Variants in PTPN11 observed in about 807,000 individuals in gnomAD.
The protein encoded by PTPN11 is tyrosine-protein phosphatase non-receptor type 11.
A neutral mutation model predicts 78.8 loss-of-function variants in PTPN11; 6 were observed. The observed-to-expected ratio is 0.08, with a 90% CI of 0.04 to 0.15. PTPN11 has a LOEUF of 0.15. Ranked by LOEUF, PTPN11 falls within the 10% of genes least tolerant of loss-of-function variation. The pLI is 1.00. For missense variants in PTPN11, 386 were observed against 744.8 expected (o/e 0.52, Z 5.61); for synonymous variants, 221 against 263.5 (o/e 0.84, Z 1.56).
chr12:112,452,748 T>TG (rs1339198171), intron 3 of PTPN11, among the ~76,000 whole-genome samples: 2 of 151,924 alleles, frequency 1.3e-5, no homozygotes, highest in African/African-American at 4.8e-5. Flanking sequence ...AGACTGGTCT[T>TG]GAACTCCTGG....
chr12:112,439,793 A>C (rs1248414205), intron 1 of PTPN11, among the ~76,000 whole-genome samples: 4 of 150,618 alleles, frequency 2.7e-5, no homozygotes, highest in South Asian at 2.1e-4. Context: ...TTAAAAAAAA[A>C]AACAAAAACA....
intron 13 of PTPN11, among the ~76,000 whole-genome samples, chr12:112,500,950 G>C (rs1315076943): frequency 6.7e-6 from 1 of 149,768 alleles, no homozygotes; most frequent in Admixed American, 6.6e-5. Context: ...TGTTGCCCAG[G>C]CCAGAGTGCA....
At position 112,448,464 on chromosome 12, in the gene PTPN11, G is replaced by A. The variant is rs180902705; in HGVS notation, c.138-1854G>A. On this transcript the variant is annotated intron_variant, in intron 2 of 15. Coordinates refer to ENST00000351677, the MANE Select transcript of PTPN11 (RefSeq NM_002834.5). Reference sequence around the variant, plus strand: ...ACTCTTGGCCTCAAGGGATCTGCCTGTCTCAGCCTCCCAAAGTGCTGGGAT... The same window carrying A: ...ACTCTTGGCCTCAAGGGATCTGCCTATCTCAGCCTCCCAAAGTGCTGGGAT... Among the ~76,000 whole-genome samples, 120 of 152,160 alleles carry A rather than the reference G, an allele frequency of 7.9e-4. 1 individual carries two copies. Among genetic ancestry groups the A allele is most frequent in the African/African-American group, 2.5e-3 (105 of 41,548 alleles).
intron 1 of PTPN11, among the ~76,000 whole-genome samples, chr12:112,422,534 C>T (rs1444003805): frequency 6.6e-6 from 1 of 152,160 alleles, no homozygotes; most frequent in East Asian, 1.9e-4. Context: ...CTGAGAGGGG[C>T]AGAAAATTGA....
chr12:112,446,686 C>A (rs2037999032), intron 2 of PTPN11, among the ~76,000 whole-genome samples: 1 of 151,834 alleles, frequency 6.6e-6, no homozygotes, highest in Non-Finnish European at 1.5e-5. Context: ...AACCTGGTTT[C>A]TGCATTTTTC....
chr12:112,442,439 C>T (rs2037908297), intron 1 of PTPN11, among the ~76,000 whole-genome samples: 1 of 151,620 alleles, frequency 6.6e-6, no homozygotes. Context: ...TATGTGGGCA[C>T]TTTTTAAATT....
intron 7 of PTPN11, 151 bp from the exon 8 acceptor site, chr12:112,477,500 T>G: frequency 1.5e-6 from 1 of 660,476 alleles, no homozygotes; most frequent in Non-Finnish European, 2.7e-6. Flanking sequence ...TTCACGTTAC[T>G]GTTTTGCTTA....
In PTPN11 at chr12:112,477,928, A is replaced by G; in HGVS notation, c.1005A>G (p.Gln335=). 1.2e-6 allele frequency: 2 copies of G among 1,614,224 alleles called. No homozygotes were observed. Among genetic ancestry groups the G allele is most frequent in the Non-Finnish European group, 1.7e-6 (2 of 1,180,038 alleles). ...KSYIATQGCL[Q]NTVNDFWRMV... is the part of the protein sequence containing the mutation. ...ACATTGCCACACAAGGCTGCCTGCA[A>G]AACACGGTGAATGACTTTTGGCGGA... Residue 335 remains glutamine (Q), a synonymous_variant, in exon 9 of 16, where the codon CAA becomes CAG. Transcript: ENST00000351677.
At chr12:112,454,855 T>G (rs923303189) in intron 5 of PTPN11, 175 bp downstream of exon 5, 1 of 655,978 alleles carries the variant, frequency 1.5e-6, no homozygotes, top group Non-Finnish European at 2.8e-6. Flanking sequence ...AGTCTTACTC[T>G]GTCACCCAGT....
chr12:112,489,787 A>G (rs1329372777), intron 13 of PTPN11, among the ~76,000 whole-genome samples: 1 of 151,974 alleles, frequency 6.6e-6, no homozygotes, highest in Admixed American at 6.6e-5. Context: ...CAACCCCTCA[A>G]CCCCATTGCC....
At chr12:112,448,218 CTT>C (rs1195467615) in intron 2 of PTPN11, among the ~76,000 whole-genome samples, 4 of 141,684 alleles carry the variant, frequency 2.8e-5, no homozygotes, top group East Asian at 2.1e-4. Flanking sequence ...TTCTTTTTTT[CTT>C]TTTTTTTTTT....
In PTPN11 at chr12:112,477,843, TC is replaced by T. The variant is rs1592847505; in HGVS notation, c.934-12del. 6 of 1,614,062 alleles carry T rather than the reference TC, an allele frequency of 3.7e-6. No homozygotes were observed. The East Asian group carries it at 1.3e-4, about 36-fold the overall frequency. On this transcript the variant is annotated splice_polypyrimidine_tract_variant and intron_variant, in intron 8 of 15. Coordinates refer to ENST00000351677, the MANE Select transcript of PTPN11 (RefSeq NM_002834.5). ...CTTTAAGGTGTTTGAAGGATTTTCT[TC>T]CTAAATTTCTAGCCTGAATTTGAAA...
At chr12:112,473,088 A>T (rs1320476927) in intron 7 of PTPN11, 48 bp downstream of exon 7, 7 of 1,438,468 alleles carry the variant, frequency 4.9e-6, no homozygotes, top group African/African-American at 1.4e-5. Context: ...GGAGATTTTG[A>T]TTCCTAGCAC....
intron 1 of PTPN11, among the ~76,000 whole-genome samples, chr12:112,423,331 G>A (rs1312853464): frequency 1.3e-5 from 2 of 152,032 alleles, no homozygotes; most frequent in African/African-American, 4.8e-5. Context: ...AGTCACCCAG[G>A]CTGGAGTGCA....
In PTPN11 at chr12:112,478,025, A is replaced by C; in HGVS notation, c.1092+10A>C. ...AGTGGAGAGAGGAAAGGTAAATCAC[A>C]GAAACTTCTTTTCTGCTAAACTGTT... On this transcript the variant is annotated intron_variant, in intron 9 of 15. Coordinates refer to ENST00000351677, the MANE Select transcript of PTPN11 (RefSeq NM_002834.5). The C allele has an allele frequency of 6.2e-7, 1 of 1,613,976 alleles. No individual in the cohort carries two copies. Among genetic ancestry groups the C allele is most frequent in the Non-Finnish European group, 8.5e-7 (1 of 1,179,862 alleles).
In PTPN11 at chr12:112,418,977, G is replaced by T. The variant is rs527982856; in HGVS notation, c.-135G>T. The T allele has an allele frequency of 5.5e-5, 60 of 1,086,466 alleles. No individual in the cohort carries two copies. Among genetic ancestry groups the T allele is most frequent in the African/African-American group, 2.0e-4 (12 of 61,346 alleles). 67.3% of individuals were successfully genotyped at this position (1,086,466 alleles called of 1,614,324 possible). A position where few individuals can be genotyped will look rare whatever the true frequency, so the allele number is the denominator to read the frequency against. ...CCGGGATCCCCAGGCCTGGAGGGGG[G>T]TCTGTGCGCGGCCGGCTGGCTCTGC... On this transcript the variant is annotated 5_prime_UTR_variant, in exon 1 of 16. Transcript: ENST00000351677.
chr12:112,504,913 C>A lies in PTPN11; in HGVS notation c.*32+117C>A. On this transcript the variant is annotated intron_variant, in intron 15 of 15. Coordinates refer to ENST00000351677, the MANE Select transcript of PTPN11 (RefSeq NM_002834.5). This position sits in a 1 kb window ranked among gnomAD's most constrained non-coding sequence, Gnocchi z 4.7. Reference sequence around the variant, plus strand: ...TGTACCATAATTGAGTTTTACAAACCAGGCTCCTTTTTCCTCTCCCTGTAC... The same window carrying A: ...TGTACCATAATTGAGTTTTACAAACAAGGCTCCTTTTTCCTCTCCCTGTAC... 1 of 675,446 alleles carries A rather than the reference C, an allele frequency of 1.5e-6. No homozygotes were observed. The highest frequency in any genetic ancestry group is 2.6e-6 in the Non-Finnish European group (1 of 384,890). The allele number at this position is 675,446 out of a possible 1,614,324, so 41.8% of individuals were successfully genotyped here.
intron 6 of PTPN11, among the ~76,000 whole-genome samples, chr12:112,467,002 A>G (rs1003384063): frequency 6.6e-6 from 1 of 152,026 alleles, no homozygotes. Context: ...TCTGGGGTCT[A>G]TTTTGGTCAT....
intron 13 of PTPN11, among the ~76,000 whole-genome samples, chr12:112,499,465 G>T (rs2038848747): frequency 6.6e-6 from 1 of 151,898 alleles, no homozygotes; most frequent in Non-Finnish European, 1.5e-5. Flanking sequence ...TCAGCCTCCT[G>T]AGTAGCTGGG....
Sources: gnomAD v4.1 joint callset for allele counts (sites outside exome capture counted in the v4.1 genomes callset) on GRCh38, gnomAD v4.1.1 for gene constraint, Gnocchi (gnomAD v3.1) non-coding constraint, MANE v1.5 for transcripts, NCBI Gene and HGNC (gene_info 2026-07-23, HGNC 2026-07-21) for gene names.